The following VLDLR variants were observed in gnomAD, a reference collection of about 807,000 sequenced individuals.
The protein encoded by VLDLR is very low density lipoprotein receptor, also known as very low-density lipoprotein receptor.
VLDLR carries 81 observed loss-of-function variants against 112.7 expected under a neutral mutation model. That is an observed-to-expected ratio of 0.72 (90% confidence interval 0.60 to 0.86). VLDLR has a LOEUF of 0.86. Ranked by LOEUF, VLDLR falls within the 40% of genes least tolerant of loss-of-function variation. The probability of loss-of-function intolerance (pLI) is 0.00; values close to 1 mark genes in which losing one functional copy is unlikely to be tolerated. For missense variants in VLDLR, 1,237 were observed against 1,099.4 expected, an observed-to-expected ratio of 1.13 and a Z score of -1.77; for synonymous variants, 436 against 384.8, an observed-to-expected ratio of 1.13 and a Z score of -1.56.
intron 18 of VLDLR, 78 bp downstream of exon 18, chr9:2,653,027 G>A: frequency 6.3e-7 from 1 of 1,575,938 alleles, no homozygotes; most frequent in Non-Finnish European, 8.7e-7. Context: ...GAGAGAGAGA[G>A]AGCCATTAGG....
intron 1 of VLDLR, 88 bp from the exon 2 acceptor site, chr9:2,635,365 C>G: frequency 6.2e-7 from 1 of 1,602,184 alleles, no homozygotes; most frequent in South Asian, 1.1e-5. Context: ...CTGCAGTATC[C>G]TTCTGAGAAG....
chr9:2,633,657 C>T (rs1011602359), intron 1 of VLDLR, among the ~76,000 whole-genome samples: 1 of 152,108 alleles, frequency 6.6e-6, no homozygotes, highest in Admixed American at 6.5e-5. Flanking sequence ...TGTATCTTAA[C>T]TCCAACCTGA....
At position 2,658,498 on chromosome 9, in the gene VLDLR, G is replaced by A. The variant is rs367833509; in HGVS notation, c.*4630G>A. The A allele has an allele frequency of 1.3e-5, 2 of 152,236 alleles. No homozygotes were observed. The highest frequency in any genetic ancestry group is 1.3e-4 in the Admixed American group (2 of 15,298). 9.4% of individuals were successfully genotyped at this position (152,236 alleles called of 1,614,324 possible). ...CAAAAATGGCTTTTTTCTTCACTGC[G>A]CTCAAGGAAAAAGTCAGATGGGTGA... On this transcript the variant is annotated 3_prime_UTR_variant, in exon 19 of 19. Coordinates refer to ENST00000382100, the MANE Select transcript of VLDLR (RefSeq NM_003383.5).
intron 18 of VLDLR, among the ~76,000 whole-genome samples, chr9:2,653,566 T>A (rs538938882): frequency 6.6e-6 from 1 of 152,344 alleles, no homozygotes; most frequent in African/African-American, 2.4e-5. Context: ...CACATGGCTT[T>A]TCACATTTTT....
intron 1 of VLDLR, among the ~76,000 whole-genome samples, chr9:2,629,034 T>C (rs759451977): frequency 6.6e-6 from 1 of 152,218 alleles, no homozygotes; most frequent in African/African-American, 2.4e-5. Context: ...TCTCAAAGTG[T>C]GGACCGAAAT....
intron 1 of VLDLR, among the ~76,000 whole-genome samples, chr9:2,631,578 C>G (rs962194564): frequency 6.6e-6 from 1 of 152,070 alleles, no homozygotes; most frequent in Admixed American, 6.5e-5. Flanking sequence ...GGACAAATAT[C>G]TTATGTTCTC....
chr9:2,629,768 TG>T (rs1817254527), intron 1 of VLDLR, among the ~76,000 whole-genome samples: 2 of 152,220 alleles, frequency 1.3e-5, no homozygotes, highest in South Asian at 4.1e-4. Context: ...CACTTTTTAG[TG>T]GCCCCCGAAC....
intron 15 of VLDLR, 104 bp downstream of exon 15, chr9:2,650,620 T>C (rs1411512418): frequency 6.7e-7 from 1 of 1,484,482 alleles, no homozygotes; most frequent in East Asian, 2.4e-5. Flanking sequence ...ATTCTTTGAA[T>C]AGATTTGAGA....
intron 4 of VLDLR, 115 bp downstream of exon 4, chr9:2,641,614 G>A (rs1817828615): frequency 6.8e-7 from 1 of 1,471,580 alleles, no homozygotes; most frequent in Non-Finnish European, 9.4e-7. Flanking sequence ...ACTTTTCAGT[G>A]ACTTCACTAT....
At position 2,657,425 on chromosome 9, in the gene VLDLR, G is replaced by A. The variant is rs534206280; in HGVS notation, c.*3557G>A. On this transcript the variant is annotated 3_prime_UTR_variant, in exon 19 of 19. Coordinates refer to ENST00000382100, the MANE Select transcript of VLDLR (RefSeq NM_003383.5). ...TTCAGTTTCATAATTGTTTTATCCT[G>A]AACGTAGTTGTGACATAGACATTTC... 51 of 152,300 alleles carry A rather than the reference G, an allele frequency of 3.3e-4. No homozygotes were observed. Among genetic ancestry groups the A allele is most frequent in the African/African-American group, 1.2e-3 (48 of 41,562 alleles). The allele number at this position is 152,300 out of a possible 1,614,324, so 9.4% of individuals were successfully genotyped here. A position where few individuals can be genotyped will look rare whatever the true frequency, so the allele number is the denominator to read the frequency against.
intron 1 of VLDLR, among the ~76,000 whole-genome samples, chr9:2,628,668 C>T (rs1817205658): frequency 6.6e-6 from 1 of 152,036 alleles, no homozygotes; most frequent in Non-Finnish European, 1.5e-5. Flanking sequence ...TGGGCATAGC[C>T]AGGGATTGAT....
In VLDLR at chr9:2,655,891, C is replaced by G. The variant is rs1158968355; in HGVS notation, c.*2023C>G. The G allele has an allele frequency of 6.6e-6, 1 of 151,952 alleles. No homozygotes were observed. Among genetic ancestry groups the G allele is most frequent in the Admixed American group, 6.6e-5 (1 of 15,266 alleles). 9.4% of individuals were successfully genotyped at this position (151,952 alleles called of 1,614,324 possible). A position where few individuals can be genotyped will look rare whatever the true frequency, so the allele number is the denominator to read the frequency against. ...AGTAGGTTAGCATTCATCATGAACT[C>G]TGAAAGCCATTTCAGAGTTTGGCTG... is the stretch of plus-strand genomic sequence containing the variant. On this transcript the variant is annotated 3_prime_UTR_variant, in exon 19 of 19. Transcript: ENST00000382100.
intron 1 of VLDLR, among the ~76,000 whole-genome samples, chr9:2,625,035 T>G (rs959604791): frequency 2.0e-5 from 3 of 152,196 alleles, no homozygotes; most frequent in African/African-American, 7.2e-5. Flanking sequence ...TATTAAGACT[T>G]TAGTACAATA....
intron 4 of VLDLR, 25 bp downstream of exon 4, chr9:2,641,524 G>A (rs1288533808): frequency 5.6e-6 from 9 of 1,613,532 alleles, no homozygotes; most frequent in African/African-American, 2.7e-5. Flanking sequence ...GTTGAGTGAC[G>A]TAACCCAAAG....
intron 4 of VLDLR, 82 bp downstream of exon 4, chr9:2,641,581 T>C: frequency 1.3e-6 from 2 of 1,599,870 alleles, no homozygotes; most frequent in East Asian, 2.2e-5. Context: ...AATCTAAGCC[T>C]GAAGACGCAC....
intron 14 of VLDLR, among the ~76,000 whole-genome samples, chr9:2,649,716 G>A (rs925854856): frequency 1.3e-5 from 2 of 152,124 alleles, no homozygotes; most frequent in Non-Finnish European, 2.9e-5. Context: ...CCACCTTAAT[G>A]ACCTCATTTT....
chr9:2,647,581 G>C lies in VLDLR; in HGVS notation c.1811G>C (p.Gly604Ala). ...ACAGCGGATATCCAGTGGCCTAACG[G>C]AATTACACTTGGTATGTATGTTCTT... ...LVTADIQWPN[G>A]ITLDLIKSRL... Residue 604 changes from glycine (G) to alanine (A), a missense_variant, in exon 12 of 19, where the codon GGA becomes GCA. Gly to Ala is a moderately conservative substitution (Grantham distance 60). Coordinates refer to ENST00000382100, the MANE Select transcript of VLDLR (RefSeq NM_003383.5). The C allele has an allele frequency of 1.2e-6, 2 of 1,613,530 alleles. No individual in the cohort carries two copies. Among genetic ancestry groups the C allele is most frequent in the Non-Finnish European group, 1.7e-6 (2 of 1,179,442 alleles).
chr9:2,637,968 AAATC>A (rs918720938), intron 2 of VLDLR, among the ~76,000 whole-genome samples: 6 of 152,094 alleles, frequency 3.9e-5, no homozygotes, highest in South Asian at 2.1e-4. Context: ...AATAAATAAA[AAATC>A]AATCAATCAA....
At chr9:2,622,815 G>C (rs1054066883) in intron 1 of VLDLR, among the ~76,000 whole-genome samples, 3 of 152,112 alleles carry the variant, frequency 2.0e-5, no homozygotes, top group African/African-American at 7.2e-5. Context: ...TTCGGTGGGC[G>C]GCGGCCGGGA....
Sources: allele counts gnomAD v4.1 joint callset (sites outside exome capture counted in the v4.1 genomes callset), GRCh38; gene constraint gnomAD v4.1.1; transcripts MANE v1.5; gene names NCBI Gene and HGNC (gene_info 2026-07-23, HGNC 2026-07-21).